RPH3AL: variants seen among roughly 807,000 people sequenced by gnomAD.
RPH3AL encodes the protein rab effector Noc2.
RPH3AL carries 38 observed loss-of-function variants against 43.1 expected under a neutral mutation model. The ratio of observed to expected loss-of-function variants is 0.88; its 90% CI spans 0.68 to 1.15. The LOEUF (loss-of-function observed/expected upper bound fraction) is 1.15. RPH3AL is among the 50% of genes most tolerant of loss of function. The pLI is 0.00. For missense variants in RPH3AL, 462 were observed against 423.2 expected (o/e 1.09, Z -0.81); for synonymous variants, 189 against 176.3 (o/e 1.07, Z -0.57).
chr17:224,076 A>G (rs2041054183), intron 7 of RPH3AL, among the ~76,000 whole-genome samples: 1 of 152,170 alleles, frequency 6.6e-6, no homozygotes, highest in Non-Finnish European at 1.5e-5. Context: ...TGGTTCTTAA[A>G]TCAGTCACTT....
chr17:296,512 G>C (rs2043185019), intron 5 of RPH3AL, among the ~76,000 whole-genome samples: 1 of 152,216 alleles, frequency 6.6e-6, no homozygotes, highest in South Asian at 2.1e-4. Flanking sequence ...GGGGCTGGAG[G>C]ACACAGCCAG....
chr17:238,496 G>A (rs936882689), intron 7 of RPH3AL, among the ~76,000 whole-genome samples: 4 of 152,138 alleles, frequency 2.6e-5, no homozygotes, highest in Admixed American at 6.5e-5. Flanking sequence ...AATCGCTTCC[G>A]CGCGTAGTGA....
intron 7 of RPH3AL, among the ~76,000 whole-genome samples, chr17:231,499 A>G (rs1345127832): frequency 6.6e-6 from 1 of 152,142 alleles, no homozygotes; most frequent in Admixed American, 6.5e-5. Context: ...CCTGGGAGAG[A>G]GCTGAGAGCT....
chr17:247,424 G>C, intron 6 of RPH3AL, 139 bp from the exon 7 acceptor site: 1 of 801,862 alleles, frequency 1.2e-6, no homozygotes, highest in South Asian at 1.9e-5. Flanking sequence ...GCCCTCCCTG[G>C]CTGATGGGCT....
intron 5 of RPH3AL, among the ~76,000 whole-genome samples, chr17:310,774 T>C (rs572641175): frequency 6.6e-6 from 1 of 152,248 alleles, no homozygotes; most frequent in Admixed American, 6.5e-5. Context: ...GCGATAAATA[T>C]TTGTGGGATA....
intron 5 of RPH3AL, among the ~76,000 whole-genome samples, chr17:286,803 G>A (rs902827755): frequency 2.6e-5 from 4 of 152,152 alleles, no homozygotes; most frequent in African/African-American, 9.7e-5. Context: ...GGGCTTGGCT[G>A]CCTCATGCAC....
intron 6 of RPH3AL, among the ~76,000 whole-genome samples, chr17:279,754 C>T (rs1409438739): frequency 6.6e-6 from 1 of 152,210 alleles, no homozygotes; most frequent in Non-Finnish European, 1.5e-5. Flanking sequence ...GGAATTTCCT[C>T]TTCCATGGAC....
At chr17:318,643 T>C (rs2044370982) in intron 5 of RPH3AL, among the ~76,000 whole-genome samples, 1 of 152,074 alleles carries the variant, frequency 6.6e-6, no homozygotes, top group African/African-American at 2.4e-5. Context: ...GCTAACTATC[T>C]TGAGGATTAG....
At chr17:315,219 T>C (rs112051722) in intron 5 of RPH3AL, among the ~76,000 whole-genome samples, 419 of 1,108 alleles carry the variant, frequency 0.38, 20 homozygotes, top group Admixed American at 0.41. Flanking sequence ...ACCTGTAGTC[T>C]CTGTGCCCCC....
At chr17:330,648 G>T (rs748478444) in intron 2 of RPH3AL, among the ~76,000 whole-genome samples, 4 of 152,146 alleles carry the variant, frequency 2.6e-5, no homozygotes, top group Non-Finnish European at 5.9e-5. Flanking sequence ...GACTCAGGTG[G>T]GTGGATCCCT....
chr17:292,599 C>A (rs1598028555), intron 5 of RPH3AL, among the ~76,000 whole-genome samples: 1 of 152,260 alleles, frequency 6.6e-6, no homozygotes, highest in South Asian at 2.1e-4. Flanking sequence ...CGGTCCCGGG[C>A]TCCTGCTGCC....
In RPH3AL at chr17:246,204, C is replaced by A. The variant is rs1190276535; in HGVS notation, c.613+907G>T. ...CGAAGACCAGGATGTCGCAAAGCCCCTGAGAAGCGGCCGCCAGGTCTATTG... is the reference window on the plus strand; with the variant it reads ...CGAAGACCAGGATGTCGCAAAGCCCATGAGAAGCGGCCGCCAGGTCTATTG... On this transcript the variant is annotated intron_variant, in intron 7 of 9. Coordinates refer to ENST00000331302, the MANE Select transcript of RPH3AL (RefSeq NM_006987.4). This position sits in a 1 kb window ranked among gnomAD's most constrained non-coding sequence, Gnocchi z 4.8. Among the ~76,000 whole-genome samples, 1 of 152,176 alleles carries A rather than the reference C, an allele frequency of 6.6e-6. No individual in the cohort carries two copies. Among genetic ancestry groups the A allele is most frequent in the Non-Finnish European group, 1.5e-5 (1 of 68,024 alleles).
chr17:272,485 C>G (rs1391422576), intron 6 of RPH3AL, among the ~76,000 whole-genome samples: 4 of 150,816 alleles, frequency 2.7e-5, no homozygotes, highest in East Asian at 4.0e-4. Context: ...AACCATCATT[C>G]TCAGCAAACT....
rs568137658 is a variant in RPH3AL at position 321,862 on chromosome 17, C to T, written c.78-447G>A. Among the ~76,000 whole-genome samples, 59 of 152,316 alleles carry T rather than the reference C, an allele frequency of 3.9e-4. 1 individual carries two copies. Among genetic ancestry groups the T allele is most frequent in the African/African-American group, 1.4e-3 (57 of 41,578 alleles). ...CACCTTAGCCCGGGAGCCAGAAACA[C>T]AGAATGTGACGCTCACGTACACAGA... On this transcript the variant is annotated intron_variant, in intron 3 of 9. Coordinates refer to ENST00000331302, the MANE Select transcript of RPH3AL (RefSeq NM_006987.4).
At chr17:314,823 AGT>A (rs2043860707) in intron 5 of RPH3AL, among the ~76,000 whole-genome samples, 1 of 145,568 alleles carries the variant, frequency 6.9e-6, no homozygotes, top group Admixed American at 6.8e-5. Flanking sequence ...ATTGACCTGT[AGT>A]CTCTGTGCTC....
At chr17:303,092 G>C (rs2151640566) in intron 5 of RPH3AL, among the ~76,000 whole-genome samples, 1 of 152,338 alleles carries the variant, frequency 6.6e-6, no homozygotes, top group South Asian at 2.1e-4. Flanking sequence ...GGTTTACAAA[G>C]TTAAGAACTA....
intron 5 of RPH3AL, among the ~76,000 whole-genome samples, chr17:317,653 A>T (rs952222089): frequency 4.6e-5 from 7 of 152,218 alleles, no homozygotes; most frequent in Non-Finnish European, 7.3e-5. Context: ...GGGCCAGTTA[A>T]TCCACCTTCC....
At chr17:316,074 G>C (rs1357420076) in intron 5 of RPH3AL, among the ~76,000 whole-genome samples, 3 of 146,472 alleles carry the variant, frequency 2.0e-5, no homozygotes, top group Non-Finnish European at 4.4e-5. Context: ...GTGATGTGTA[G>C]TCCCTGTGCT....
chr17:305,256 GC>G (rs1431826218), intron 5 of RPH3AL, among the ~76,000 whole-genome samples: 1 of 151,972 alleles, frequency 6.6e-6, no homozygotes, highest in East Asian at 1.9e-4. Flanking sequence ...CCAGGCACCG[GC>G]CGAGTTGGGA....
Sources: gnomAD v4.1 joint callset for allele counts (sites outside exome capture counted in the v4.1 genomes callset) on GRCh38, gnomAD v4.1.1 for gene constraint, Gnocchi (gnomAD v3.1) non-coding constraint, MANE v1.5 for transcripts, NCBI Gene and HGNC (gene_info 2026-07-23, HGNC 2026-07-21) for gene names.